IKBKB: variants seen among roughly 807,000 people sequenced by gnomAD.
The protein encoded by IKBKB is inhibitor of nuclear factor kappa B kinase subunit beta.
In IKBKB, 42 loss-of-function variants were observed where a neutral mutation model predicts 113.6. The ratio of observed to expected loss-of-function variants is 0.37; its 90% CI spans 0.29 to 0.48. IKBKB has a LOEUF of 0.48. IKBKB is among the 20% of genes least tolerant of loss of function. IKBKB has a pLI of 0.99. For missense variants in IKBKB, 673 were observed against 939.7 expected (o/e 0.72, Z 3.71); for synonymous variants, 296 against 361.3 (o/e 0.82, Z 2.05).
intron 2 of IKBKB, among the ~76,000 whole-genome samples, chr8:42,280,065 C>G (rs1028452324): frequency 1.3e-5 from 2 of 152,184 alleles, no homozygotes; most frequent in Non-Finnish European, 2.9e-5. Flanking sequence ...CCAGGCTGGT[C>G]TGGAACTCCT....
intron 2 of IKBKB, among the ~76,000 whole-genome samples, chr8:42,275,349 G>A (rs189982849): frequency 1.7e-4 from 25 of 151,416 alleles, no homozygotes; most frequent in Non-Finnish European, 2.6e-4. Context: ...TGCCATGCCC[G>A]GCTAATTTTT....
At chr8:42,292,773 G>A (rs1287589463) in intron 4 of IKBKB, among the ~76,000 whole-genome samples, 1 of 152,198 alleles carries the variant, frequency 6.6e-6, no homozygotes, top group Non-Finnish European at 1.5e-5. Flanking sequence ...TTGGGCTTGA[G>A]TTTCAGATTG....
chr8:42,295,167 G>A (rs1337242432), intron 5 of IKBKB, among the ~76,000 whole-genome samples: 1 of 6,526 alleles, frequency 1.5e-4, no homozygotes, highest in Non-Finnish European at 2.3e-4. Flanking sequence ...TGCCCAGGCT[G>A]GTGTTGCAGT....
At chr8:42,283,240 T>G (rs1373057175) in intron 2 of IKBKB, among the ~76,000 whole-genome samples, 1 of 152,184 alleles carries the variant, frequency 6.6e-6, no homozygotes, top group Non-Finnish European at 1.5e-5. Flanking sequence ...AACTAAGTCA[T>G]CTAATCTATT....
chr8:42,326,242 A>G, intron 20 of IKBKB, 145 bp downstream of exon 20: 2 of 950,784 alleles, frequency 2.1e-6, no homozygotes, highest in Non-Finnish European at 3.1e-6. Flanking sequence ...TCCTGTGGGG[A>G]CAAAAGTGAT....
chr8:42,322,500 T>A lies in IKBKB; in HGVS notation c.1986+6T>A. The A allele has an allele frequency of 6.2e-7, 1 of 1,613,474 alleles. No individual in the cohort carries two copies. Among genetic ancestry groups the A allele is most frequent in the Non-Finnish European group, 8.5e-7 (1 of 1,179,934 alleles). Reference sequence around the variant, plus strand: ...ATCTCCTGAAGATTGCTTGTGTGAGTGAGTGCTGTGGTCCCGGGCCCTTGG... The same window carrying A: ...ATCTCCTGAAGATTGCTTGTGTGAGAGAGTGCTGTGGTCCCGGGCCCTTGG... On this transcript the variant is annotated splice_donor_region_variant and intron_variant, in intron 19 of 21. Transcript: ENST00000520810.
At position 42,273,910 on chromosome 8, in the gene IKBKB, T is replaced by C. The variant is rs144499775; in HGVS notation, c.105+1705T>C. On this transcript the variant is annotated intron_variant, in intron 2 of 21. Transcript: ENST00000520810. Reference sequence around the variant, plus strand: ...TACATATTTATGGGGTACAGTGTGATATTTTGATACATAATGTGTAATGAT... The same window carrying C: ...TACATATTTATGGGGTACAGTGTGACATTTTGATACATAATGTGTAATGAT... Among the ~76,000 whole-genome samples the C allele has an allele frequency of 3.0e-3, 461 of 152,336 alleles. 2 individuals are homozygous for C. Among genetic ancestry groups the C allele is most frequent in the Non-Finnish European group, 4.5e-3 (305 of 68,036 alleles).
chr8:42,308,614 A>T (rs1198518075), intron 7 of IKBKB, among the ~76,000 whole-genome samples: 2 of 152,132 alleles, frequency 1.3e-5, no homozygotes, highest in Admixed American at 1.3e-4. Context: ...CCTCAGTTTT[A>T]AAGGAGAGAA....
chr8:42,291,222 C>T (rs1191166374), intron 4 of IKBKB, among the ~76,000 whole-genome samples: 1 of 152,132 alleles, frequency 6.6e-6, no homozygotes, highest in Admixed American at 6.5e-5. Flanking sequence ...CGCTGTATTG[C>T]CCAGGCTGGA....
rs757950328 is a variant in IKBKB at position 42,329,163 on chromosome 8, G to A, written c.2154G>A (p.Leu718=). 2.5e-6 allele frequency: 4 copies of A among 1,605,472 alleles called. No homozygotes were observed. In the Admixed American group the frequency reaches 5.2e-5, roughly 21 times the overall value. Residue 718 remains leucine, a synonymous_variant, in exon 21 of 22, where the codon CTG becomes CTA. Coordinates refer to ENST00000520810, the MANE Select transcript of IKBKB (RefSeq NM_001556.3). The part of the protein sequence containing the change: ...LVAEAHNLCT[L]LENAIQDTVR... Reference sequence around the variant, plus strand: ...CTGAAGCACATAACCTCTGCACCCTGCTAGAAAATGCCATACAGGACACTG... The same window carrying A: ...CTGAAGCACATAACCTCTGCACCCTACTAGAAAATGCCATACAGGACACTG...
At chr8:42,321,592 G>A in intron 16 of IKBKB, 1 of 309,252 alleles carries the variant, frequency 3.2e-6, no homozygotes, top group South Asian at 6.9e-5. Flanking sequence ...CACAATCATA[G>A]CTCACTGCAG....
intron 8 of IKBKB, chr8:42,314,106 AC>A: frequency 1.8e-6 from 1 of 548,578 alleles, no homozygotes; most frequent in Non-Finnish European, 3.3e-6. Flanking sequence ...CCATTGTGTT[AC>A]CCTGGCCTAC....
At position 42,298,059 on chromosome 8, in the gene IKBKB, C is replaced by T. The variant is rs570236582; in HGVS notation, c.388+4547C>T. The T allele has an allele frequency of 6.1e-6, 6 of 984,656 alleles. 1 individual carries two copies. In the African/African-American group the frequency reaches 8.7e-5, roughly 14 times the overall value. The allele number at this position is 984,656 out of a possible 1,614,324, so 61.0% of individuals were successfully genotyped here. On this transcript the variant is annotated intron_variant, in intron 5 of 21. Transcript: ENST00000520810. ...ATATGGACTGCCACGTAATGTGACCCTAAAATAGCTCAAGGAAGTTATATG... is the reference window on the plus strand; with the variant it reads ...ATATGGACTGCCACGTAATGTGACCTTAAAATAGCTCAAGGAAGTTATATG...
chr8:42,318,884 G>T (rs1819222935), intron 13 of IKBKB: 1 of 562,210 alleles, frequency 1.8e-6, no homozygotes, highest in South Asian at 2.3e-5. Context: ...GTTGGCACAG[G>T]GTGAGGAGTG....
At chr8:42,278,336 T>G (rs1809617314) in intron 2 of IKBKB, among the ~76,000 whole-genome samples, 1 of 152,158 alleles carries the variant, frequency 6.6e-6, no homozygotes, top group Admixed American at 6.5e-5. Context: ...TTGGGCAGTT[T>G]CAGCCGAGGA....
chr8:42,328,348 G>A (rs189779804), intron 20 of IKBKB, among the ~76,000 whole-genome samples: 47 of 151,492 alleles, frequency 3.1e-4, no homozygotes, highest in Non-Finnish European at 2.2e-4. Context: ...ATTCCCTTCT[G>A]GGGCAGGCAC....
Position 42,290,174 on chromosome 8 carries a change from G to A in IKBKB, c.219G>A (p.Val73=). The A allele has an allele frequency of 6.2e-7, 1 of 1,613,744 alleles. No homozygotes were observed. The highest frequency in any genetic ancestry group is 8.5e-7 in the Non-Finnish European group (1 of 1,179,860). Reference sequence around the variant, plus strand: ...CTCCTAGGCTGACCCACCCCAATGTGGTGGCTGCCCGAGATGTCCCTGAGG... The same window carrying A: ...CTCCTAGGCTGACCCACCCCAATGTAGTGGCTGCCCGAGATGTCCCTGAGG... ...QIMRRLTHPN[V]VAARDVPEGM... Residue 73 remains valine (V), a synonymous_variant, in exon 4 of 22, where the codon GTG becomes GTA. Transcript: ENST00000520810.
intron 20 of IKBKB, among the ~76,000 whole-genome samples, 164 bp from the exon 21 acceptor site, chr8:42,328,960 A>G (rs1300345301): frequency 6.6e-6 from 1 of 152,238 alleles, no homozygotes; most frequent in Non-Finnish European, 1.5e-5. Flanking sequence ...AAGATGAATG[A>G]AAGTATTAGT....
In IKBKB at chr8:42,320,778, A is replaced by C; in HGVS notation, c.1622A>C (p.Gln541Pro). The change falls in exon 16 of 22, where the codon CAG becomes CCG. Residue 541 changes from glutamine to proline, a missense_variant. Around this residue, in one of 2 missense-constraint regions of IKBKB, gnomAD observed 506 missense variants for 638.7 expected, o/e 0.79. Transcript: ENST00000520810. ...KLLVERMMAL[Q>P]TDIVDLQRSP... ...CTGGTAGAACGGATGATGGCTCTGC[A>C]GACCGACATTGTGGACTTACAGAGG... 1 of 1,611,570 alleles carries C rather than the reference A, an allele frequency of 6.2e-7. No homozygotes were observed. The highest frequency in any genetic ancestry group is 8.5e-7 in the Non-Finnish European group (1 of 1,178,762).
Sources: gnomAD v4.1 joint callset for allele counts (sites outside exome capture counted in the v4.1 genomes callset) on GRCh38, gnomAD v4.1.1 for gene constraint, gnomAD v4.1.1 regional missense constraint, MANE v1.5 for transcripts, NCBI Gene and HGNC (gene_info 2026-07-23, HGNC 2026-07-21) for gene names.